The following LIMK2 variants were observed in gnomAD, a reference collection of about 807,000 sequenced individuals.
LIMK2 encodes the protein LIM domain kinase 2.
Under a neutral mutation model 75.7 loss-of-function variants are expected in LIMK2, and 35 were observed. That is an observed-to-expected ratio of 0.46 (90% CI 0.35 to 0.61). The LOEUF is 0.61. Among genes scored for constraint, LIMK2 ranks in the 20% least tolerant of loss-of-function variants. The pLI is 0.00. For missense variants in LIMK2, 623 were observed against 831.0 expected (o/e 0.75, Z 3.08); for synonymous variants, 301 against 319.2 (o/e 0.94, Z 0.61).
intron 12 of LIMK2, among the ~76,000 whole-genome samples, chr22:31,272,169 T>C (rs2048964436): frequency 6.6e-6 from 1 of 152,214 alleles, no homozygotes; most frequent in African/African-American, 2.4e-5. Flanking sequence ...CTAGTGATTC[T>C]TCTGCTTCAG....
At chr22:31,235,896 C>T (rs914424908) in intron 2 of LIMK2, among the ~76,000 whole-genome samples, 8 of 152,210 alleles carry the variant, frequency 5.3e-5, no homozygotes, top group Non-Finnish European at 1.0e-4. Context: ...GTTAAGAGCA[C>T]ACTCTAGAAC....
In LIMK2 at chr22:31,212,359, A is replaced by G. The variant is rs1200765879; in HGVS notation, c.-50A>G. Reference sequence around the variant, plus strand: ...AGGGGAGTTGTAGGGAACTGAGGGGAGCTGCTGTGTCCCCCGCCTCCTCCT... The same window carrying G: ...AGGGGAGTTGTAGGGAACTGAGGGGGGCTGCTGTGTCCCCCGCCTCCTCCT... On this transcript the variant is annotated 5_prime_UTR_variant, in exon 1 of 16. Coordinates refer to ENST00000331728, the MANE Select transcript of LIMK2 (RefSeq NM_005569.4). 1.5e-6 allele frequency: 2 copies of G among 1,329,864 alleles called. No individual in the cohort carries two copies. The highest frequency in any genetic ancestry group is 9.7e-7 in the Non-Finnish European group (1 of 1,031,520). 82.4% of individuals were successfully genotyped at this position (1,329,864 alleles called of 1,614,324 possible).
At chr22:31,276,994 C>T in intron 15 of LIMK2, 1 of 1,613,946 alleles carries the variant, frequency 6.2e-7, no homozygotes, top group Non-Finnish European at 8.5e-7. Context: ...CGTGGATGAG[C>T]TCCTGGACAT....
At chr22:31,240,630 G>T (rs1473849700) in intron 2 of LIMK2, among the ~76,000 whole-genome samples, 1 of 151,948 alleles carries the variant, frequency 6.6e-6, no homozygotes, top group Non-Finnish European at 1.5e-5. Flanking sequence ...CACCGTGTTG[G>T]CCAGGATGGT....
intron 7 of LIMK2, among the ~76,000 whole-genome samples, chr22:31,264,102 G>T (rs996685052): frequency 4.6e-5 from 7 of 152,132 alleles, no homozygotes; most frequent in African/African-American, 1.7e-4. Context: ...TTAAAGTGCT[G>T]CCCTCACTCC....
intron 14 of LIMK2, 50 bp from the exon 15 acceptor site, chr22:31,275,101 A>G (rs1452331674): frequency 1.3e-6 from 2 of 1,580,934 alleles, no homozygotes; most frequent in Non-Finnish European, 1.7e-6. Context: ...CTTGCCAAGT[A>G]TCTGTGGCCT....
intron 2 of LIMK2, among the ~76,000 whole-genome samples, chr22:31,232,675 T>C (rs1479046764): frequency 6.6e-6 from 1 of 152,120 alleles, no homozygotes; most frequent in Admixed American, 6.6e-5. Context: ...AGTGGCATGA[T>C]GATAGCTTAC....
At chr22:31,255,880 C>T (rs1012969821) in intron 2 of LIMK2, among the ~76,000 whole-genome samples, 3 of 149,662 alleles carry the variant, frequency 2.0e-5, no homozygotes, top group Middle Eastern at 3.3e-3. Flanking sequence ...AGAAGTTGTC[C>T]AGCTAGTGAC....
In LIMK2 at chr22:31,259,129, G is replaced by C. The variant is rs1458667377; in HGVS notation, c.261G>C (p.Gly87=). Residue 87 remains glycine (G), a synonymous_variant, in exon 4 of 16, where the codon GGG becomes GGC. Transcript: ENST00000331728. ...TCCCCACCTGCTCACAGGTGGCTGG[G>C]GAGTTCAAGTACCACCCAGAGTGCT... ...LLMTGPFMVA[G]EFKYHPECFA... The C allele has an allele frequency of 5.0e-6, 8 of 1,609,526 alleles. No individual in the cohort carries two copies. The highest frequency in any genetic ancestry group is 6.8e-6 in the Non-Finnish European group (8 of 1,176,120).
chr22:31,228,063 A>G (rs1316414149), intron 2 of LIMK2, among the ~76,000 whole-genome samples: 2 of 152,040 alleles, frequency 1.3e-5, no homozygotes, highest in Non-Finnish European at 2.9e-5. Flanking sequence ...ATAGAGACAG[A>G]AAGATAACAT....
chr22:31,272,808 C>A, intron 13 of LIMK2, 104 bp downstream of exon 13: 1 of 1,451,580 alleles, frequency 6.9e-7, no homozygotes. Flanking sequence ...AGCGTAGGAC[C>A]GGATACCCAG....
chr22:31,279,723 T>G lies in LIMK2; in HGVS notation c.*1282T>G, dbSNP rs541732320. The G allele has an allele frequency of 6.6e-6, 1 of 152,288 alleles. No individual in the cohort carries two copies. Among genetic ancestry groups the G allele is most frequent in the East Asian group, 1.9e-4 (1 of 5,180 alleles). The allele number at this position is 152,288 out of a possible 1,614,324, so 9.4% of individuals were successfully genotyped here. ...CATATTTAATAAATTGGGAATGGGTTTGGGGTATTAATGCAATGTGTGGTG... is the reference window on the plus strand; with the variant it reads ...CATATTTAATAAATTGGGAATGGGTGTGGGGTATTAATGCAATGTGTGGTG... On this transcript the variant is annotated 3_prime_UTR_variant, in exon 16 of 16. Coordinates refer to ENST00000331728, the MANE Select transcript of LIMK2 (RefSeq NM_005569.4).
Position 31,262,227 on chromosome 22 carries a change from T to G in LIMK2, c.645T>G (p.Leu215=), listed in dbSNP as rs1368168980. Residue 215 remains leucine, a synonymous_variant, in exon 6 of 16, where the codon CTT becomes CTG. Coordinates refer to ENST00000331728, the MANE Select transcript of LIMK2 (RefSeq NM_005569.4). This position sits in a 1 kb window ranked among gnomAD's most constrained non-coding sequence, Gnocchi z 5.0. ...TCAATGGGACCCCCGTCCGCACACT[T>G]CGAGTGGAGGAGGTAGAGTGTGTGT... is the stretch of plus-strand genomic sequence containing the variant. ...LEINGTPVRT[L]RVEEVEDAIS... 6.2e-7 allele frequency: 1 copy of G among 1,611,764 alleles called. No homozygotes were observed. The highest frequency in any genetic ancestry group is 1.3e-5 in the African/African-American group (1 of 74,860).
At chr22:31,275,098 A>G (rs545597421) in intron 14 of LIMK2, 53 bp from the exon 15 acceptor site, 7 of 1,571,106 alleles carry the variant, frequency 4.5e-6, no homozygotes, top group East Asian at 2.2e-5. Flanking sequence ...TCCCTTGCCA[A>G]GTATCTGTGG....
At chr22:31,272,785 G>A in intron 13 of LIMK2, 81 bp downstream of exon 13, 1 of 1,498,504 alleles carries the variant, frequency 6.7e-7, no homozygotes, top group Admixed American at 2.4e-5. Context: ...GGAATTCCAG[G>A]GGAGGCCTGT....
intron 8 of LIMK2, among the ~76,000 whole-genome samples, chr22:31,266,573 G>A (rs1213695869): frequency 6.6e-6 from 1 of 152,088 alleles, no homozygotes; most frequent in African/African-American, 2.4e-5. Flanking sequence ...TCTCAGCTTG[G>A]GGGCAGCAGG....
intron 1 of LIMK2, among the ~76,000 whole-genome samples, chr22:31,213,003 G>A (rs937194269): frequency 2.0e-5 from 3 of 152,098 alleles, no homozygotes; most frequent in African/African-American, 4.8e-5. Context: ...AAATAAGGGA[G>A]TATGGAGCCC....
At chr22:31,224,940 A>G (rs1335601265) in intron 1 of LIMK2, among the ~76,000 whole-genome samples, 1 of 152,252 alleles carries the variant, frequency 6.6e-6, no homozygotes, top group Non-Finnish European at 1.5e-5. Context: ...GCGGCGGGCC[A>G]GTGAGCATTG....
intron 15 of LIMK2, chr22:31,277,481 T>C: frequency 2.7e-6 from 3 of 1,098,974 alleles, no homozygotes; most frequent in Non-Finnish European, 3.3e-6. Flanking sequence ...GGTGGGAGAA[T>C]CTATACCTTG....
Sources: gnomAD v4.1 joint callset for allele counts (sites outside exome capture counted in the v4.1 genomes callset) on GRCh38, gnomAD v4.1.1 for gene constraint, Gnocchi (gnomAD v3.1) non-coding constraint, MANE v1.5 for transcripts, NCBI Gene and HGNC (gene_info 2026-07-23, HGNC 2026-07-21) for gene names.